MDFIC: variants seen among roughly 807,000 people sequenced by gnomAD.
The protein encoded by MDFIC is MyoD family inhibitor domain containing.
A neutral mutation model predicts 23.2 loss-of-function variants in MDFIC; 17 were observed. The ratio of observed to expected loss-of-function variants is 0.73; its 90% CI spans 0.50 to 1.10. The LOEUF is 1.10. Among genes scored for constraint, MDFIC ranks in the 50% least tolerant of loss-of-function variants. The pLI, the probability that MDFIC is intolerant of heterozygous loss-of-function variation, is 0.00. For synonymous variants in MDFIC, 120 were observed against 115.2 expected, an observed-to-expected ratio of 1.04 and a Z score of -0.27; for missense variants, 356 against 316.6, an observed-to-expected ratio of 1.12 and a Z score of -0.95.
At chr7:114,950,720 A>G (rs1409015091) in intron 3 of MDFIC, among the ~76,000 whole-genome samples, 1 of 152,194 alleles carries the variant, frequency 6.6e-6, no homozygotes, top group Non-Finnish European at 1.5e-5. Flanking sequence ...CTCCTAAACT[A>G]AAAGTGCTAT....
rs10528546 is a variant in MDFIC, at chr7:115,007,630, GTATATA to G, written c.494-8036_494-8031del. ...CTATCTATCTAGTGTGCGTGTGTGT[GTATATA>G]TATATATATATATATATATATTTAT... On this transcript the variant is annotated intron_variant, in intron 4 of 4. Coordinates refer to ENST00000393486, the MANE Select transcript of MDFIC (RefSeq NM_001166345.3). Among the ~76,000 whole-genome samples the G allele has an allele frequency of 6.5e-4, 86 of 132,944 alleles. 1 individual carries two copies. The highest frequency in any genetic ancestry group is 2.3e-3 in the African/African-American group (75 of 32,554). 87.2% of individuals were successfully genotyped at this position (132,944 alleles called of 152,430 possible). A position where few individuals can be genotyped will look rare whatever the true frequency, so the allele number is the denominator to read the frequency against.
At chr7:114,990,501 T>G (rs574387620) in intron 4 of MDFIC, among the ~76,000 whole-genome samples, 1 of 152,224 alleles carries the variant, frequency 6.6e-6, no homozygotes, top group Non-Finnish European at 1.5e-5. Flanking sequence ...CCCTCCCCTC[T>G]GCCTGCCCCA....
chr7:114,941,675 CTT>C (rs988878506), intron 2 of MDFIC, among the ~76,000 whole-genome samples: 5 of 152,178 alleles, frequency 3.3e-5, no homozygotes, highest in African/African-American at 1.2e-4. Flanking sequence ...GCCCCAAAGA[CTT>C]TACATTTCCT....
At chr7:115,006,938 T>TTA (rs11269516) in intron 4 of MDFIC, among the ~76,000 whole-genome samples, 1 of 151,982 alleles carries the variant, frequency 6.6e-6, no homozygotes, top group African/African-American at 2.4e-5. Flanking sequence ...AAGTATAGTT[T>TTA]CTAGCTTCTG....
At chr7:115,007,090 T>A (rs970393000) in intron 4 of MDFIC, among the ~76,000 whole-genome samples, 1 of 152,168 alleles carries the variant, frequency 6.6e-6, no homozygotes, top group African/African-American at 2.4e-5. Context: ...TTTCTTAGAG[T>A]TGCCTTCTTG....
chr7:114,988,107 A>C (rs773727613), intron 4 of MDFIC, among the ~76,000 whole-genome samples: 22 of 152,246 alleles, frequency 1.4e-4, no homozygotes, highest in Non-Finnish European at 2.9e-4. Flanking sequence ...GCTATCAGCT[A>C]TGTATGGACT....
chr7:114,953,493 T>G (rs531488487), intron 3 of MDFIC, among the ~76,000 whole-genome samples: 10 of 152,328 alleles, frequency 6.6e-5, no homozygotes, highest in Non-Finnish European at 1.3e-4. Flanking sequence ...TGGTCCTGGA[T>G]AGTTGATGTG....
At chr7:114,994,407 T>C (rs1791267042) in intron 4 of MDFIC, among the ~76,000 whole-genome samples, 1 of 152,204 alleles carries the variant, frequency 6.6e-6, no homozygotes, top group African/African-American at 2.4e-5. Flanking sequence ...ATTAGCTGGT[T>C]ATTTTGCTCC....
chr7:114,940,348 T>C (rs1792514630), intron 2 of MDFIC, among the ~76,000 whole-genome samples: 1 of 152,226 alleles, frequency 6.6e-6, no homozygotes, highest in Admixed American at 6.5e-5. Flanking sequence ...GAAATCCCCA[T>C]GGTACATGAA....
chr7:114,983,219 T>C (rs989473429), intron 4 of MDFIC, among the ~76,000 whole-genome samples: 6 of 152,196 alleles, frequency 3.9e-5, no homozygotes, highest in Admixed American at 3.9e-4. Flanking sequence ...AAGCAGCTAA[T>C]CATGCCCACT....
intron 2 of MDFIC, among the ~76,000 whole-genome samples, chr7:114,925,569 G>A (rs763047339): frequency 3.3e-5 from 5 of 152,164 alleles, no homozygotes; most frequent in Non-Finnish European, 7.4e-5. Context: ...TAGTTACAGA[G>A]CAGGGACATA....
chr7:114,926,214 A>T (rs6961343), intron 2 of MDFIC, among the ~76,000 whole-genome samples: 129,821 of 152,154 alleles, frequency 0.85, 56,673 homozygotes, highest in East Asian at 1. Flanking sequence ...TTTCATAAGT[A>T]TGGGATTTGT....
chr7:114,971,886 G>T (rs981782841), intron 3 of MDFIC, among the ~76,000 whole-genome samples: 1 of 151,912 alleles, frequency 6.6e-6, no homozygotes, highest in African/African-American at 2.4e-5. Context: ...GAAAATGTTT[G>T]TATATTAACT....
At chr7:114,971,726 T>C (rs1249950149) in intron 3 of MDFIC, among the ~76,000 whole-genome samples, 1 of 152,158 alleles carries the variant, frequency 6.6e-6, no homozygotes, top group Non-Finnish European at 1.5e-5. Context: ...GGATAAAATA[T>C]AGTGGATTTT....
intron 3 of MDFIC, among the ~76,000 whole-genome samples, chr7:114,971,132 A>T (rs1793196570): frequency 6.6e-6 from 1 of 152,152 alleles, no homozygotes. Context: ...TGTTGTAGGA[A>T]CTTCTGAAGG....
Position 114,996,496 on chromosome 7 carries a change from T to C in MDFIC, c.493+16715T>C, listed in dbSNP as rs936973854. ...AAGGTCATGTTTGGTTTGGAATATA[T>C]TGAATTTGAGATACCCATTATCTGT... On this transcript the variant is annotated intron_variant, in intron 4 of 4. Transcript: ENST00000393486. Among the ~76,000 whole-genome samples, 27 of 152,262 alleles carry C rather than the reference T, an allele frequency of 1.8e-4. No homozygotes were observed. In the East Asian group the frequency reaches 3.5e-3, roughly 20 times the overall value.
At chr7:114,977,039 G>GA (rs1236983457) in intron 3 of MDFIC, among the ~76,000 whole-genome samples, 4 of 151,898 alleles carry the variant, frequency 2.6e-5, no homozygotes, top group African/African-American at 9.6e-5. Context: ...ATCGCGAACA[G>GA]AAAAAAAGAC....
intron 4 of MDFIC, among the ~76,000 whole-genome samples, chr7:114,992,551 TA>T (rs1791197248): frequency 6.6e-6 from 1 of 152,232 alleles, no homozygotes; most frequent in Admixed American, 6.5e-5. Context: ...TGAGAGTTTT[TA>T]GTATGAAGGG....
rs1353672848 is a variant in MDFIC, at chr7:115,017,812, A to T, written c.*1877A>T. 3.9e-5 allele frequency: 6 copies of T among 151,974 alleles called. No homozygotes were observed. Among genetic ancestry groups the T allele is most frequent in the Non-Finnish European group, 5.9e-5 (4 of 67,876 alleles). 9.4% of individuals were successfully genotyped at this position (151,974 alleles called of 1,614,324 possible). On this transcript the variant is annotated 3_prime_UTR_variant, in exon 5 of 5. Transcript: ENST00000393486. The stretch of plus-strand genomic sequence containing the variant: ...GCTTTGGGATTAATAATTATTTTTA[A>T]TTTTTCTGGCTGAATATCAAATTGA...
Sources: allele counts gnomAD v4.1 joint callset (sites outside exome capture counted in the v4.1 genomes callset), GRCh38; gene constraint gnomAD v4.1.1; transcripts MANE v1.5; gene names NCBI Gene and HGNC (gene_info 2026-07-23, HGNC 2026-07-21).